Variants in DCAKD observed in about 807,000 individuals in gnomAD.
DCAKD encodes dephospho-CoA kinase domain containing, also known as dephospho-CoA kinase domain-containing protein.
Under a neutral mutation model 18.7 loss-of-function variants are expected in DCAKD, and 15 were observed. The ratio of observed to expected loss-of-function variants is 0.80; its 90% CI spans 0.54 to 1.24. The LOEUF (loss-of-function observed/expected upper bound fraction) is 1.24. DCAKD is among the 50% of genes most tolerant of loss of function. The probability of loss-of-function intolerance (pLI) is 0.00; values close to 1 mark genes in which losing one functional copy is unlikely to be tolerated. For missense variants in DCAKD, 301 were observed against 322.0 expected (o/e 0.93, Z 0.50); for synonymous variants, 130 against 133.0 (o/e 0.98, Z 0.16).
At chr17:45,029,515 G>C (rs2053131841) in intron 4 of DCAKD, among the ~76,000 whole-genome samples, 2 of 152,164 alleles carry the variant, frequency 1.3e-5, no homozygotes, top group African/African-American at 4.8e-5. Context: ...CCCCCCACAG[G>C]TTGATCCTCC....
At chr17:45,059,828 A>G (rs2053828724) in intron 1 of DCAKD, among the ~76,000 whole-genome samples, 1 of 152,174 alleles carries the variant, frequency 6.6e-6, no homozygotes, top group Non-Finnish European at 1.5e-5. Context: ...CAATATGGCC[A>G]GGTACGGTGG....
In DCAKD at chr17:45,034,912, G is replaced by C. The variant is rs543710931; in HGVS notation, c.-27C>G. ...TTCCAGGAAAGAGAGCTGTCCGCGAGACTACGGAGCCAGGAGCTACAGAAT... is the reference window on the plus strand; with the variant it reads ...TTCCAGGAAAGAGAGCTGTCCGCGACACTACGGAGCCAGGAGCTACAGAAT... On this transcript the variant is annotated 5_prime_UTR_variant, in exon 2 of 5. Transcript: ENST00000651974. 1.9e-6 allele frequency: 3 copies of C among 1,611,436 alleles called. No individual in the cohort carries two copies. Among genetic ancestry groups the C allele is most frequent in the Non-Finnish European group, 2.5e-6 (3 of 1,177,996 alleles).
rs758295915 is a variant in DCAKD at position 45,034,173 on chromosome 17, G to A, written c.316+14C>T. The A allele has an allele frequency of 2.5e-6, 4 of 1,613,410 alleles. No homozygotes were observed. Among genetic ancestry groups the A allele is most frequent in the Non-Finnish European group, 3.4e-6 (4 of 1,179,706 alleles). Reference sequence around the variant, plus strand: ...AAGGAGGCCCCGCCCCCCGCCCCAGGCCCTGGCACTTACCCCGGAGGAAGT... The same window carrying A: ...AAGGAGGCCCCGCCCCCCGCCCCAGACCCTGGCACTTACCCCGGAGGAAGT... On this transcript the variant is annotated intron_variant, in intron 3 of 4. Transcript: ENST00000651974.
In DCAKD at chr17:45,024,322, TGTGTGTGTGTGTGTGTGGGG is replaced by T; in HGVS notation, c.*91_*110del. The T allele has an allele frequency of 2.1e-6, 1 of 471,022 alleles. No individual in the cohort carries two copies. Among genetic ancestry groups the T allele is most frequent in the Non-Finnish European group, 3.4e-6 (1 of 297,100 alleles). 29.2% of individuals were successfully genotyped at this position (471,022 alleles called of 1,614,324 possible). ...GTGTGTGTGTGTGTGTGTGTGTGTG[TGTGTGTGTGTGTGTGTGGGG>T]AGGGGGCTGAGAGGAAACAGGATGT... On this transcript the variant is annotated 3_prime_UTR_variant, in exon 5 of 5. Transcript: ENST00000651974.
chr17:45,056,052 G>A (rs1344010427), upstream of DCAKD, among the ~76,000 whole-genome samples: 2 of 151,974 alleles, frequency 1.3e-5, no homozygotes, highest in Non-Finnish European at 2.9e-5. Context: ...CTACTCAGGA[G>A]GCTGAGGCAG....
chr17:45,048,094 T>C (rs1050710166), intron 1 of DCAKD, among the ~76,000 whole-genome samples: 1 of 152,096 alleles, frequency 6.6e-6, no homozygotes, highest in Non-Finnish European at 1.5e-5. Flanking sequence ...AGGCATAAAA[T>C]GTATTATTAC....
Position 45,024,620 on chromosome 17 carries a change from C to T in DCAKD, c.509G>A (p.Arg170His), listed in dbSNP as rs143056376. 21 of 1,613,754 alleles carry T rather than the reference C, an allele frequency of 1.3e-5. No homozygotes were observed. The highest frequency in any genetic ancestry group is 5.5e-5 in the South Asian group (5 of 91,080). ...NAQLPLTDKA[R>H]MARHVLDNSG... Reference sequence around the variant, plus strand: ...GTTGTCTAGGACATGGCGGGCCATGCGGGCCTTGTCTGTCAGGGGCAGCTG... The same window carrying T: ...GTTGTCTAGGACATGGCGGGCCATGTGGGCCTTGTCTGTCAGGGGCAGCTG... Residue 170 changes from arginine (R) to histidine (H), a missense_variant, in exon 5 of 5, where the codon CGC becomes CAC. Physicochemically the swap from Arg to His is conservative, Grantham distance 29 (BLOSUM62 0). Transcript: ENST00000651974.
intron 4 of DCAKD, among the ~76,000 whole-genome samples, chr17:45,025,009 C>CTT (rs747194341): frequency 0.17 from 18,672 of 113,122 alleles, 1,839 homozygotes; most frequent in Non-Finnish European, 0.2. Flanking sequence ...GGCCACAGCT[C>CTT]TTTTTTTTTT....
chr17:45,041,188 C>T (rs2053425179), intron 1 of DCAKD, among the ~76,000 whole-genome samples: 1 of 152,132 alleles, frequency 6.6e-6, no homozygotes, highest in Non-Finnish European at 1.5e-5. Flanking sequence ...CCTTCACTGC[C>T]TTCTCCCGCC....
chr17:45,058,758 C>A (rs188884814), intron 1 of DCAKD, among the ~76,000 whole-genome samples: 94 of 152,134 alleles, frequency 6.2e-4, no homozygotes, highest in African/African-American at 1.9e-3. Flanking sequence ...CTGACCCCCC[C>A]CTTCCCTGCA....
chr17:45,030,929 A>G (rs1369407903), intron 3 of DCAKD: 1 of 972,724 alleles, frequency 1.0e-6, no homozygotes, highest in Non-Finnish European at 1.2e-6. Context: ...AGTCAAGGGC[A>G]GCACCCCCAC....
intron 1 of DCAKD, among the ~76,000 whole-genome samples, chr17:45,050,029 C>A (rs886097991): frequency 2.2e-5 from 2 of 88,934 alleles, no homozygotes; most frequent in African/African-American, 9.9e-5. Context: ...GGCCTCCCAG[C>A]AGGTAATTTT....
intron 1 of DCAKD, among the ~76,000 whole-genome samples, chr17:45,046,410 AT>A (rs1288663354): frequency 6.6e-6 from 1 of 151,940 alleles, no homozygotes; most frequent in Non-Finnish European, 1.5e-5. Flanking sequence ...GAGGTCAGGA[AT>A]TTGAGACCAG....
intron 3 of DCAKD, among the ~76,000 whole-genome samples, chr17:45,032,337 G>C (rs2053187904): frequency 6.6e-6 from 1 of 152,154 alleles, no homozygotes; most frequent in Non-Finnish European, 1.5e-5. Flanking sequence ...GCCAGCTCCA[G>C]CCCGGACGGG....
chr17:45,031,783 C>A (rs2053174621), intron 3 of DCAKD: 9 of 985,416 alleles, frequency 9.1e-6, no homozygotes, highest in Non-Finnish European at 1.1e-5. Flanking sequence ...CTCTGCAAAC[C>A]ATCCTGACTC....
At chr17:45,043,517 T>G (rs1223524629) in intron 1 of DCAKD, among the ~76,000 whole-genome samples, 1 of 152,164 alleles carries the variant, frequency 6.6e-6, no homozygotes, top group Non-Finnish European at 1.5e-5. Flanking sequence ...CCAAACATCC[T>G]AGGGCATAGC....
chr17:45,052,243 A>G (rs1425674103), upstream of DCAKD, among the ~76,000 whole-genome samples: 1 of 152,064 alleles, frequency 6.6e-6, no homozygotes, highest in Non-Finnish European at 1.5e-5. Context: ...GAGGGGCAAA[A>G]CTGCAGGGTC....
At chr17:45,028,356 C>T (rs553276205) in intron 4 of DCAKD, among the ~76,000 whole-genome samples, 6 of 151,394 alleles carry the variant, frequency 4.0e-5, no homozygotes, top group Admixed American at 6.6e-5. Flanking sequence ...ATGATCCGCC[C>T]ACCTCGGCCT....
At chr17:45,042,098 G>C (rs2053451745) in intron 1 of DCAKD, among the ~76,000 whole-genome samples, 1 of 151,896 alleles carries the variant, frequency 6.6e-6, no homozygotes, top group African/African-American at 2.4e-5. Context: ...CCTGGGTGCA[G>C]AATAAGACCT....
Sources: allele counts gnomAD v4.1 joint callset (sites outside exome capture counted in the v4.1 genomes callset), GRCh38; gene constraint gnomAD v4.1.1; transcripts MANE v1.5; gene names NCBI Gene and HGNC (gene_info 2026-07-23, HGNC 2026-07-21).